ZNF280D: variants seen among roughly 807,000 people sequenced by gnomAD.
ZNF280D encodes zinc finger protein 280D, also known as suppressor of hairy wing homolog 4.
ZNF280D carries 39 observed loss-of-function variants against 94.7 expected under a neutral mutation model. The observed-to-expected ratio is 0.41, with a 90% CI of 0.32 to 0.54. The LOEUF (loss-of-function observed/expected upper bound fraction) is 0.54. Among genes scored for constraint, ZNF280D ranks in the 20% least tolerant of loss-of-function variants. The pLI is 0.22. For missense variants in ZNF280D, 1,090 were observed against 1,149.3 expected (o/e 0.95, Z 0.75); for synonymous variants, 398 against 377.6 (o/e 1.05, Z -0.63).
chr15:56,678,290 G>C (rs768110148), intron 11 of ZNF280D, among the ~76,000 whole-genome samples: 5 of 152,140 alleles, frequency 3.3e-5, no homozygotes, highest in African/African-American at 4.8e-5. Flanking sequence ...GGGATTACAG[G>C]CATGAGCCAC....
intron 13 of ZNF280D, among the ~76,000 whole-genome samples, chr15:56,676,355 A>G (rs774956250): frequency 1.3e-5 from 2 of 152,238 alleles, no homozygotes; most frequent in Admixed American, 6.5e-5. Flanking sequence ...AATCATTCTC[A>G]TATCTACCTT....
chr15:56,725,975 G>A (rs1352847613), intron 1 of ZNF280D, among the ~76,000 whole-genome samples: 3 of 152,080 alleles, frequency 2.0e-5, no homozygotes, highest in African/African-American at 7.2e-5. Flanking sequence ...GAAAATGACT[G>A]AAATATTTTT....
chr15:56,650,741 A>C (rs1247988196), intron 19 of ZNF280D, among the ~76,000 whole-genome samples: 1 of 152,144 alleles, frequency 6.6e-6, no homozygotes, highest in Admixed American at 6.5e-5. Context: ...AACTTACAAA[A>C]CTCAAACCTT....
chr15:56,733,466 G>C lies in ZNF280D; in HGVS notation c.-94C>G. ...GGCGGGGGGGCGCTTACCGTGAGCGGAGCGGATCGGCCTGACTGGAGCCCT... is the reference window on the plus strand; with the variant it reads ...GGCGGGGGGGCGCTTACCGTGAGCGCAGCGGATCGGCCTGACTGGAGCCCT... On this transcript the variant is annotated 5_prime_UTR_variant, in exon 1 of 22. Coordinates refer to ENST00000267807, the MANE Select transcript of ZNF280D (RefSeq NM_017661.4). 1 of 1,092,754 alleles carries C rather than the reference G, an allele frequency of 9.2e-7. No individual in the cohort carries two copies. The highest frequency in any genetic ancestry group is 1.1e-6 in the Non-Finnish European group (1 of 892,398). 67.7% of individuals were successfully genotyped at this position (1,092,754 alleles called of 1,614,324 possible). A position where few individuals can be genotyped will look rare whatever the true frequency, so the allele number is the denominator to read the frequency against.
At chr15:56,730,015 T>C (rs1201201918) in intron 1 of ZNF280D, 2 of 152,214 alleles carry the variant, frequency 1.3e-5, no homozygotes, top group African/African-American at 2.4e-5. Flanking sequence ...CAATAAGTTG[T>C]TTTACATTAT....
intron 13 of ZNF280D, among the ~76,000 whole-genome samples, chr15:56,674,735 T>C (rs1394637739): frequency 1.3e-5 from 2 of 151,522 alleles, no homozygotes; most frequent in African/African-American, 4.9e-5. Context: ...AATTAGTGTA[T>C]GTTAACTGCT....
chr15:56,716,118 G>A (rs963287805), intron 1 of ZNF280D, among the ~76,000 whole-genome samples: 1 of 152,074 alleles, frequency 6.6e-6, no homozygotes, highest in Admixed American at 6.6e-5. Context: ...AATCCCTCAT[G>A]AATACTAAGG....
chr15:56,694,589 G>A (rs912394334), intron 6 of ZNF280D, among the ~76,000 whole-genome samples: 3 of 152,068 alleles, frequency 2.0e-5, no homozygotes, highest in Non-Finnish European at 2.9e-5. Flanking sequence ...ACCAGCCAAA[G>A]AAATGCAAAT....
chr15:56,671,252 T>G (rs1271358416), intron 13 of ZNF280D, among the ~76,000 whole-genome samples: 3 of 152,172 alleles, frequency 2.0e-5, no homozygotes, highest in Non-Finnish European at 2.9e-5. Context: ...CCTTTGCCTA[T>G]GCCTATGTCC....
At chr15:56,635,287 A>G in intron 20 of ZNF280D, 37 bp from the exon 21 acceptor site, 1 of 1,250,368 alleles carries the variant, frequency 8.0e-7, no homozygotes, top group East Asian at 2.7e-5. Flanking sequence ...TTACATTCAC[A>G]GTTAATCTTA....
At chr15:56,646,509 T>C (rs2052900100) in intron 19 of ZNF280D, among the ~76,000 whole-genome samples, 1 of 152,142 alleles carries the variant, frequency 6.6e-6, no homozygotes, top group Admixed American at 6.6e-5. Flanking sequence ...CTAAATTTAA[T>C]ATAGTAATCA....
intron 14 of ZNF280D, chr15:56,668,118 A>G (rs567909079): frequency 1.1e-5 from 5 of 454,778 alleles, no homozygotes; most frequent in African/African-American, 4.0e-5. Flanking sequence ...GTTAATTCAA[A>G]TAACAGACAT....
At chr15:56,716,374 A>C (rs1231735251) in intron 1 of ZNF280D, among the ~76,000 whole-genome samples, 1 of 152,058 alleles carries the variant, frequency 6.6e-6, no homozygotes, top group Non-Finnish European at 1.5e-5. Context: ...TATTTGAAGA[A>C]AGGGTTGGAG....
chr15:56,724,847 C>G (rs751526022), intron 1 of ZNF280D: 28 of 452,516 alleles, frequency 6.2e-5, no homozygotes, highest in Non-Finnish European at 1.2e-4. Flanking sequence ...TCTTATTTAC[C>G]TTTTTCTATT....
intron 1 of ZNF280D, among the ~76,000 whole-genome samples, chr15:56,723,235 A>AAATAAAT (rs1567043059): frequency 1.5e-4 from 22 of 150,692 alleles, no homozygotes; most frequent in Non-Finnish European, 2.8e-4. Flanking sequence ...TAATAATAAA[A>AAATAAAT]AAATAAATAA....
rs377486429 is a variant in ZNF280D, at chr15:56,666,530, C to T, written c.1859G>A (p.Arg620His). The T allele has an allele frequency of 1.3e-5, 21 of 1,589,310 alleles. No individual in the cohort carries two copies. The highest frequency in any genetic ancestry group is 1.7e-4 in the Middle Eastern group (1 of 6,016). ...VNTALRNLRY[R>H]RGIHKCIECC... ...CTCAATGCATTTGTGAATGCCCCGA[C>T]GATACCTTAGGGAGACATTAAAAAA... The change falls in exon 16 of 22, where the codon CGT becomes CAT. Residue 620 changes from arginine (R) to histidine (H), a missense_variant. Physicochemically the swap from Arg to His is conservative, Grantham distance 29. This residue lies in a region of ZNF280D where 577 missense variants were observed against 568.8 expected (regional missense o/e 1.01). Coordinates refer to ENST00000267807, the MANE Select transcript of ZNF280D (RefSeq NM_017661.4).
chr15:56,705,053 T>A (rs750536304), intron 3 of ZNF280D, among the ~76,000 whole-genome samples: 1 of 151,864 alleles, frequency 6.6e-6, no homozygotes, highest in East Asian at 1.9e-4. Context: ...GAAAACTAAT[T>A]AGGCTTATTC....
At chr15:56,655,679 A>T (rs1460334983) in intron 17 of ZNF280D, among the ~76,000 whole-genome samples, 1 of 152,242 alleles carries the variant, frequency 6.6e-6, no homozygotes, top group Non-Finnish European at 1.5e-5. Flanking sequence ...CTTGACATAA[A>T]GTACATTAAG....
Position 56,677,656 on chromosome 15 carries a change from TCA to T in ZNF280D, c.1179_1180del (p.Cys393Ter). The T allele has an allele frequency of 6.3e-7, 1 of 1,590,762 alleles. No individual in the cohort carries two copies. The highest frequency in any genetic ancestry group is 8.6e-7 in the Non-Finnish European group (1 of 1,167,614). ...AACATGTTCTGTTTCAAATGACAAT[TCA>T]CAGATTTTACAAATAGCTAAATGTG... is the stretch of plus-strand genomic sequence containing the variant. On this transcript the variant is annotated stop_gained and frameshift_variant, in exon 12 of 22. Coordinates refer to ENST00000267807, the MANE Select transcript of ZNF280D (RefSeq NM_017661.4). LOFTEE classifies it high-confidence loss of function.
Sources: gnomAD v4.1 joint callset for allele counts (sites outside exome capture counted in the v4.1 genomes callset) on GRCh38, gnomAD v4.1.1 for gene constraint, gnomAD v4.1.1 regional missense constraint, MANE v1.5 for transcripts, NCBI Gene and HGNC (gene_info 2026-07-23, HGNC 2026-07-21) for gene names.